Variants in RBM19 observed in about 807,000 individuals in gnomAD.
RBM19 encodes probable RNA-binding protein 19.
Under a neutral mutation model 116.8 loss-of-function variants are expected in RBM19, and 94 were observed. That is an observed-to-expected ratio of 0.80 (90% CI 0.68 to 0.95). The LOEUF (loss-of-function observed/expected upper bound fraction) is 0.95. Ranked by LOEUF, RBM19 falls within the 40% of genes least tolerant of loss-of-function variation. The probability of loss-of-function intolerance (pLI) is 0.00; values close to 1 mark genes in which losing one functional copy is unlikely to be tolerated. For synonymous variants in RBM19, 475 were observed against 494.1 expected, an observed-to-expected ratio of 0.96 and a Z score of 0.51; for missense variants, 1,161 against 1,220.7, an observed-to-expected ratio of 0.95 and a Z score of 0.73.
intron 21 of RBM19, among the ~76,000 whole-genome samples, chr12:113,889,264 C>G (rs1230867070): frequency 6.6e-6 from 1 of 152,202 alleles, no homozygotes; most frequent in Non-Finnish European, 1.5e-5. Flanking sequence ...TTCCAAATGT[C>G]CCCTGGCAGG....
chr12:113,875,591 T>C (rs887711047), intron 21 of RBM19, among the ~76,000 whole-genome samples: 16 of 152,098 alleles, frequency 1.1e-4, no homozygotes, highest in African/African-American at 3.4e-4. Context: ...TCTTGGTGTA[T>C]GTAGGTGGGA....
chr12:113,949,828 G>A (rs1871326587), intron 9 of RBM19, among the ~76,000 whole-genome samples: 1 of 152,146 alleles, frequency 6.6e-6, no homozygotes. Context: ...CCTGCTGTGT[G>A]TTTCCCTGTA....
intron 21 of RBM19, among the ~76,000 whole-genome samples, chr12:113,862,425 C>G (rs932418421): frequency 6.6e-6 from 1 of 151,468 alleles, no homozygotes. Context: ...CTAATGATCT[C>G]AGAGAGCTAT....
intron 22 of RBM19, among the ~76,000 whole-genome samples, chr12:113,847,355 T>G (rs985344484): frequency 1.3e-5 from 2 of 152,168 alleles, no homozygotes; most frequent in Non-Finnish European, 1.5e-5. Flanking sequence ...TTTTTTAACT[T>G]TAATTTAAAA....
At chr12:113,880,101 C>T (rs886872888) in intron 21 of RBM19, among the ~76,000 whole-genome samples, 3 of 151,166 alleles carry the variant, frequency 2.0e-5, no homozygotes, top group Non-Finnish European at 4.4e-5. Flanking sequence ...ATGAAGAAGG[C>T]CCACTTAAGT....
chr12:113,876,295 G>A (rs1879664161), intron 21 of RBM19, among the ~76,000 whole-genome samples: 1 of 152,178 alleles, frequency 6.6e-6, no homozygotes, highest in African/African-American at 2.4e-5. Flanking sequence ...GGCATAGCTG[G>A]GAGGTGGGGG....
In RBM19 at chr12:113,878,632, G is replaced by GACACACACAC. The variant is rs55868508; in HGVS notation, c.2559-19746_2559-19737dup. 3.0e-3 allele frequency among the ~76,000 whole-genome samples: 408 copies of GACACACACAC among 137,890 alleles called. 5 individuals carry two copies. Among genetic ancestry groups the GACACACACAC allele is most frequent in the South Asian group, 5.5e-3 (22 of 4,032 alleles). 90.5% of individuals were successfully genotyped at this position (137,890 alleles called of 152,430 possible). A position where few individuals can be genotyped will look rare whatever the true frequency, so the allele number is the denominator to read the frequency against. ...AGAAAGAGGTACATCCATTCTCCCT[G>GACACACACAC]ACACACACACACACACACACACACA... On this transcript the variant is annotated intron_variant, in intron 21 of 23. Coordinates refer to ENST00000261741, the MANE Select transcript of RBM19 (RefSeq NM_016196.4).
intron 21 of RBM19, among the ~76,000 whole-genome samples, chr12:113,885,762 G>C (rs1880471505): frequency 6.6e-6 from 1 of 151,910 alleles, no homozygotes; most frequent in Non-Finnish European, 1.5e-5. Context: ...AAGGGTATCT[G>C]GAACTCTTTA....
intron 22 of RBM19, among the ~76,000 whole-genome samples, chr12:113,854,040 T>C (rs1263301682): frequency 6.6e-6 from 1 of 151,960 alleles, no homozygotes; most frequent in Admixed American, 6.6e-5. Context: ...AGAATTTAAG[T>C]GAATCAGTGA....
intron 22 of RBM19, among the ~76,000 whole-genome samples, chr12:113,858,346 C>T (rs562665628): frequency 5.3e-5 from 8 of 152,286 alleles, no homozygotes; most frequent in South Asian, 2.1e-4. Flanking sequence ...TGGCCATGAG[C>T]GGAAAAAAGG....
intron 12 of RBM19, among the ~76,000 whole-genome samples, 154 bp downstream of exon 12, chr12:113,946,200 T>C (rs1871005295): frequency 1.3e-5 from 2 of 152,178 alleles, no homozygotes; most frequent in Non-Finnish European, 2.9e-5. Context: ...GGCACTACTA[T>C]TATTCTCCCA....
In RBM19 at chr12:113,915,210, G is replaced by A. The variant is rs562409799; in HGVS notation, c.2442-125C>T. On this transcript the variant is annotated intron_variant, in intron 20 of 23. Transcript: ENST00000261741. The stretch of plus-strand genomic sequence containing the variant: ...GATTCAAGGAGTGTGCGTGGGGTGC[G>A]GGACCAACGTGAAAGGAGAGGAAGG... 5.2e-5 allele frequency: 42 copies of A among 802,116 alleles called. No individual in the cohort carries two copies. The South Asian group carries it at 5.5e-4, about 10-fold the overall frequency. The allele number at this position is 802,116 out of a possible 1,614,324, so 49.7% of individuals were successfully genotyped here.
rs765226815 is a variant in RBM19 at position 113,946,515 on chromosome 12, G to A, written c.1408-40C>T. The A allele has an allele frequency of 1.5e-5, 25 of 1,612,958 alleles. No individual in the cohort carries two copies. In the South Asian group the frequency reaches 2.6e-4, roughly 17 times the overall value. ...CGGGAAGGGAGTAAACAGAAGCCTT[G>A]CCTGTAAGCCCTGCTTCCTGCCGAA... On this transcript the variant is annotated intron_variant, in intron 11 of 23. Transcript: ENST00000261741.
chr12:113,962,848 G>A (rs1872618318), intron 1 of RBM19, among the ~76,000 whole-genome samples: 1 of 152,222 alleles, frequency 6.6e-6, no homozygotes, highest in Admixed American at 6.5e-5. Context: ...CCTGGAAACT[G>A]TGGATATGTT....
At chr12:113,882,922 A>G (rs573086975) in intron 21 of RBM19, among the ~76,000 whole-genome samples, 109 of 152,368 alleles carry the variant, frequency 7.2e-4, no homozygotes, top group African/African-American at 2.6e-3. Flanking sequence ...TGTCAATAAT[A>G]AAGCAGCCCT....
chr12:113,847,128 C>T lies in RBM19; in HGVS notation c.2665-2340G>A, dbSNP rs893839516. 5.9e-5 allele frequency among the ~76,000 whole-genome samples: 9 copies of T among 152,312 alleles called. No homozygotes were observed. The South Asian group carries it at 1.9e-3, about 32-fold the overall frequency. On this transcript the variant is annotated intron_variant, in intron 22 of 23. Transcript: ENST00000261741. ...ACATCTTGAGCCTCCGTTTCCTCAT[C>T]CCTATTGGGGCTGGCTGTGAGATTT...
intron 16 of RBM19, among the ~76,000 whole-genome samples, chr12:113,933,599 G>C (rs1320451672): frequency 6.6e-5 from 10 of 152,204 alleles, no homozygotes; most frequent in Non-Finnish European, 1.3e-4. Flanking sequence ...CAGCCCCTCT[G>C]GGAGGTAGGG....
intron 21 of RBM19, among the ~76,000 whole-genome samples, chr12:113,864,090 A>C (rs904039976): frequency 2.7e-4 from 41 of 152,006 alleles, no homozygotes; most frequent in Non-Finnish European, 5.3e-4. Context: ...GTGAGCCCTT[A>C]CCTACCACAA....
chr12:113,842,775 G>A (rs1876611540), intron 23 of RBM19, among the ~76,000 whole-genome samples: 1 of 152,102 alleles, frequency 6.6e-6, no homozygotes, highest in South Asian at 2.1e-4. Context: ...TGGAGGAGGT[G>A]TCATTCTATC....
Sources: gnomAD v4.1 joint callset for allele counts (sites outside exome capture counted in the v4.1 genomes callset) on GRCh38, gnomAD v4.1.1 for gene constraint, MANE v1.5 for transcripts, NCBI Gene and HGNC (gene_info 2026-07-23, HGNC 2026-07-21) for gene names.